The following TBC1D16 variants were observed in gnomAD, a reference collection of about 807,000 sequenced individuals.
TBC1D16 encodes TBC1 domain family member 16.
Under a neutral mutation model 74.7 loss-of-function variants are expected in TBC1D16, and 58 were observed. The ratio of observed to expected loss-of-function variants is 0.78; its 90% confidence interval spans 0.63 to 0.97. The LOEUF (loss-of-function observed/expected upper bound fraction) is 0.97. Among genes scored for constraint, TBC1D16 ranks in the 50% least tolerant of loss-of-function variants. The pLI is 0.00. For synonymous variants in TBC1D16, 493 were observed against 474.7 expected (o/e 1.04, Z -0.50); for missense variants, 1,014 against 1,079.5 (o/e 0.94, Z 0.85).
chr17:79,984,138 C>T (rs1003318982), intron 3 of TBC1D16, among the ~76,000 whole-genome samples: 9 of 152,184 alleles, frequency 5.9e-5, no homozygotes, highest in African/African-American at 2.2e-4. Context: ...CCTCTTGCCT[C>T]AGCCTCCCAA....
chr17:80,025,217 C>T (rs2036534201), intron 1 of TBC1D16, among the ~76,000 whole-genome samples: 1 of 149,926 alleles, frequency 6.7e-6, no homozygotes, highest in South Asian at 2.1e-4. Flanking sequence ...ACACACACCA[C>T]ACACAGCCAC....
At position 80,007,288 on chromosome 17, in the gene TBC1D16, C is replaced by A. The variant is rs2035711830; in HGVS notation, c.779+2872G>T. Among the ~76,000 whole-genome samples the A allele has an allele frequency of 6.6e-6, 1 of 152,130 alleles. No homozygotes were observed. Among genetic ancestry groups the A allele is most frequent in the African/African-American group, 2.4e-5 (1 of 41,426 alleles). The stretch of plus-strand genomic sequence containing the variant: ...TCTCCGGGTGGGGACGAGTCCCAGG[C>A]CAGGCTCGCTGACCCCATACCCCAG... On this transcript the variant is annotated intron_variant, in intron 3 of 11. Coordinates refer to ENST00000310924, the MANE Select transcript of TBC1D16 (RefSeq NM_019020.4). The surrounding 1 kb of genome is among the most constrained non-coding windows in gnomAD (Gnocchi z 4.5).
At position 80,026,484 on chromosome 17, in the gene TBC1D16, G is replaced by A. The variant is rs576192213; in HGVS notation, c.-63+9311C>T. 1.9e-4 allele frequency among the ~76,000 whole-genome samples: 29 copies of A among 149,858 alleles called. 4 individuals carry two copies. Among genetic ancestry groups the A allele is most frequent in the African/African-American group, 6.9e-4 (27 of 39,276 alleles). Reference sequence around the variant, plus strand: ...GGAATCTATTAGTTTAAAATAAAAAGAGGCTTGAGATCAGGAAGCTTGCAT... The same window carrying A: ...GGAATCTATTAGTTTAAAATAAAAAAAGGCTTGAGATCAGGAAGCTTGCAT... On this transcript the variant is annotated intron_variant, in intron 1 of 11. Transcript: ENST00000310924.
In TBC1D16 at chr17:79,981,668, A is replaced by G. The variant is rs2034588290; in HGVS notation, c.779+28492T>C. Among the ~76,000 whole-genome samples, 1 of 152,262 alleles carries G rather than the reference A, an allele frequency of 6.6e-6. No individual in the cohort carries two copies. The highest frequency in any genetic ancestry group is 6.5e-5 in the Admixed American group (1 of 15,284). On this transcript the variant is annotated intron_variant, in intron 3 of 11. Transcript: ENST00000310924. The surrounding 1 kb of genome is among the most constrained non-coding windows in gnomAD (Gnocchi z 6.9). ...CCAAACCTCCAAAGCTGGGAGGGCT[A>G]CAGTCAAAGAAGCACCTCCCACACC...
intron 2 of TBC1D16, 76 bp downstream of exon 2, chr17:80,013,291 C>T: frequency 7.2e-7 from 1 of 1,397,580 alleles, no homozygotes; most frequent in Non-Finnish European, 9.7e-7. Flanking sequence ...CGTGCTGTGG[C>T]CCAGGGCCTT....
chr17:79,960,779 C>CAAAAAA lies in TBC1D16; in HGVS notation c.780-7967_780-7962dup, dbSNP rs746450905. On this transcript the variant is annotated intron_variant, in intron 3 of 11. Transcript: ENST00000310924. ...CAAAAAAACCCAAAAAACAAAAACC[C>CAAAAAA]AAAAAAAAAAAAAAAAAAAAAAAAA... is the stretch of plus-strand genomic sequence containing the variant. 1.0e-3 allele frequency among the ~76,000 whole-genome samples: 35 copies of CAAAAAA among 33,942 alleles called. 9 individuals are homozygous for CAAAAAA. Among genetic ancestry groups the CAAAAAA allele is most frequent in the East Asian group, 2.2e-3 (2 of 928 alleles). The allele number at this position is 33,942 out of a possible 152,430, so 22.3% of individuals were successfully genotyped here.
intron 3 of TBC1D16, among the ~76,000 whole-genome samples, chr17:80,004,432 C>T (rs551771412): frequency 1.3e-5 from 2 of 152,184 alleles, no homozygotes; most frequent in Non-Finnish European, 2.9e-5. Context: ...AGCTTCTGAA[C>T]GTTTTACAGG....
Position 79,955,111 on chromosome 17 carries a change from C to T in TBC1D16, c.780-2293G>A, listed in dbSNP as rs143549879. 5.3e-5 allele frequency among the ~76,000 whole-genome samples: 8 copies of T among 152,322 alleles called. No homozygotes were observed. The East Asian group carries it at 1.2e-3, about 22-fold the overall frequency. On this transcript the variant is annotated intron_variant, in intron 3 of 11. Coordinates refer to ENST00000310924, the MANE Select transcript of TBC1D16 (RefSeq NM_019020.4). ...AGGCAGGAGTTGGCTTAAACCCTCT[C>T]GCAACCCCTTAGGGGCAAATTATTT... is the stretch of plus-strand genomic sequence containing the variant.
intron 1 of TBC1D16, among the ~76,000 whole-genome samples, chr17:80,027,077 A>C (rs1045345564): frequency 5.3e-5 from 8 of 152,240 alleles, no homozygotes; most frequent in African/African-American, 1.9e-4. Context: ...AGAGTTCATC[A>C]AAATCAAAAT....
chr17:79,943,957 G>A (rs1256688727), intron 10 of TBC1D16: 2 of 1,497,648 alleles, frequency 1.3e-6, no homozygotes, highest in Non-Finnish European at 8.9e-7. Context: ...CGTTAATGCA[G>A]ATCGTCCACC....
In TBC1D16 at chr17:80,008,286, C is replaced by A. The variant is rs2035752687; in HGVS notation, c.779+1874G>T. On this transcript the variant is annotated intron_variant, in intron 3 of 11. Transcript: ENST00000310924. The surrounding 1 kb of genome is among the most constrained non-coding windows in gnomAD (Gnocchi z 4.5). The stretch of plus-strand genomic sequence containing the variant: ...CTTACAAACAGGGAAACCGAGGCTC[C>A]AAGAAAAGAAAGAATTTCCCAGGTT... Among the ~76,000 whole-genome samples the A allele has an allele frequency of 6.6e-6, 1 of 152,144 alleles. No homozygotes were observed. The highest frequency in any genetic ancestry group is 1.5e-5 in the Non-Finnish European group (1 of 68,036).
rs769443527 is a variant in TBC1D16 at position 79,951,434 on chromosome 17, C to T, written c.1089+16G>A. ...GTGTCAACCGCTGGGCATTCTGGGG[C>T]CGTCTGCTGGGCTACCTGGTCTTTG... On this transcript the variant is annotated intron_variant, in intron 5 of 11. Transcript: ENST00000310924. The T allele has an allele frequency of 9.3e-6, 15 of 1,610,302 alleles. No individual in the cohort carries two copies. The highest frequency in any genetic ancestry group is 1.2e-5 in the Non-Finnish European group (14 of 1,177,924).
At position 79,988,735 on chromosome 17, in the gene TBC1D16, A is replaced by C. The variant is rs2034944553; in HGVS notation, c.779+21425T>G. Among the ~76,000 whole-genome samples the C allele has an allele frequency of 6.6e-6, 1 of 152,254 alleles. No individual in the cohort carries two copies. The highest frequency in any genetic ancestry group is 6.5e-5 in the Admixed American group (1 of 15,284). The stretch of plus-strand genomic sequence containing the variant: ...CTCTTTAATTGGCAGTCAACCTCAA[A>C]GCAAAACTTAGAAGGCCCCTGCTTG... On this transcript the variant is annotated intron_variant, in intron 3 of 11. Transcript: ENST00000310924. The surrounding 1 kb of genome is among the most constrained non-coding windows in gnomAD (Gnocchi z 5.7).
Position 80,029,392 on chromosome 17 carries a change from G to A in TBC1D16, c.-63+6403C>T, listed in dbSNP as rs143390346. Among the ~76,000 whole-genome samples, 5 of 152,294 alleles carry A rather than the reference G, an allele frequency of 3.3e-5. No individual in the cohort carries two copies. The East Asian group carries it at 9.6e-4, about 29-fold the overall frequency. On this transcript the variant is annotated intron_variant, in intron 1 of 11. Transcript: ENST00000310924. ...TGGGTTGGAGCTGACACAGGGCGCA[G>A]CTGTGAGCCTGCTGTTAACCACACA...
rs1303213517 is a variant in TBC1D16 at position 79,950,284 on chromosome 17, G to A, written c.1257+127C>T. On this transcript the variant is annotated intron_variant, in intron 6 of 11. Transcript: ENST00000310924. This position sits in a 1 kb window ranked among gnomAD's most constrained non-coding sequence, Gnocchi z 4.6. ...ACAGAGAGCCTCACACAAGAAAACG[G>A]GGCCCTCACGAGGAGGTGGCCCGTG... The A allele has an allele frequency of 1.9e-6, 2 of 1,038,388 alleles. No individual in the cohort carries two copies. Among genetic ancestry groups the A allele is most frequent in the South Asian group, 3.4e-5 (2 of 58,666 alleles). 64.3% of individuals were successfully genotyped at this position (1,038,388 alleles called of 1,614,324 possible).
intron 3 of TBC1D16, among the ~76,000 whole-genome samples, chr17:79,960,814 G>GAAAAA (rs2033580956): frequency 1.4e-5 from 1 of 71,790 alleles, no homozygotes; most frequent in African/African-American, 5.4e-5. Flanking sequence ...AAAAAACGAA[G>GAAAAA]GAATGAAACT....
intron 3 of TBC1D16, among the ~76,000 whole-genome samples, chr17:79,973,449 C>G (rs550496500): frequency 5.5e-4 from 84 of 152,280 alleles, no homozygotes; most frequent in African/African-American, 2.0e-3. Flanking sequence ...GTGGCTTACG[C>G]CTGTAATCCC....
At position 80,009,396 on chromosome 17, in the gene TBC1D16, T is replaced by C. The variant is rs1375651954; in HGVS notation, c.779+764A>G. ...CACACGGGCACTCACCCCAAGGCCA[T>C]GAGGGCCCTCGTGGCACCATGCAAC... On this transcript the variant is annotated intron_variant, in intron 3 of 11. Transcript: ENST00000310924. This position sits in a 1 kb window ranked among gnomAD's most constrained non-coding sequence, Gnocchi z 5.4. Among the ~76,000 whole-genome samples the C allele has an allele frequency of 6.6e-6, 1 of 152,158 alleles. No homozygotes were observed. The highest frequency in any genetic ancestry group is 2.4e-5 in the African/African-American group (1 of 41,428).
chr17:80,000,135 G>A lies in TBC1D16; in HGVS notation c.779+10025C>T, dbSNP rs991180778. 3.3e-5 allele frequency among the ~76,000 whole-genome samples: 5 copies of A among 152,150 alleles called. No homozygotes were observed. The highest frequency in any genetic ancestry group is 2.6e-4 in the Admixed American group (4 of 15,274). On this transcript the variant is annotated intron_variant, in intron 3 of 11. Transcript: ENST00000310924. The surrounding 1 kb of genome is among the most constrained non-coding windows in gnomAD (Gnocchi z 4.1). ...GCTCTGCGTCACCCTTTCCTAAAAC[G>A]GGGTGATGACCACACTGATGTCGGG...
Sources: gnomAD v4.1 joint callset for allele counts (sites outside exome capture counted in the v4.1 genomes callset) on GRCh38, gnomAD v4.1.1 for gene constraint, Gnocchi (gnomAD v3.1) non-coding constraint, MANE v1.5 for transcripts, NCBI Gene and HGNC (gene_info 2026-07-23, HGNC 2026-07-21) for gene names.